The following NEK6 variants were observed in gnomAD, a reference collection of about 807,000 sequenced individuals.
NEK6 encodes serine/threonine-protein kinase Nek6.
In NEK6, 27 loss-of-function variants were observed where a neutral mutation model predicts 43.5. That is an observed-to-expected ratio of 0.62 (90% CI 0.46 to 0.86). The LOEUF is 0.86. Ranked by LOEUF, NEK6 falls within the 40% of genes least tolerant of loss-of-function variation. NEK6 has a pLI of 0.00. For missense variants in NEK6, 318 were observed against 414.4 expected (o/e 0.77, Z 2.02); for synonymous variants, 167 against 164.1 (o/e 1.02, Z -0.14).
chr9:124,301,174 A>G (rs952138296), intron 1 of NEK6, among the ~76,000 whole-genome samples: 4 of 152,170 alleles, frequency 2.6e-5, no homozygotes, highest in African/African-American at 9.7e-5. Context: ...CCCCAGAAGC[A>G]CTTGTCTGAT....
chr9:124,340,616 AC>A (rs1564660336), intron 8 of NEK6, among the ~76,000 whole-genome samples: 1 of 152,260 alleles, frequency 6.6e-6, no homozygotes, highest in Admixed American at 6.5e-5. Context: ...GCTTGGTTTT[AC>A]AGTTGGAACC....
In NEK6 at chr9:124,257,975, C is replaced by T. The variant is rs1469586160; in HGVS notation, c.-140C>T. 1.6e-5 allele frequency: 16 copies of T among 978,608 alleles called. No homozygotes were observed. Among genetic ancestry groups the T allele is most frequent in the Non-Finnish European group, 1.9e-5 (16 of 827,456 alleles). The allele number at this position is 978,608 out of a possible 1,614,324, so 60.6% of individuals were successfully genotyped here. ...CGGTGGCGGCGGCGGCGGAACCGAG[C>T]TGACGGGCGTGCGGCCGCTGCGCCG... On this transcript the variant is annotated 5_prime_UTR_variant, in exon 1 of 10. Transcript: ENST00000320246.
chr9:124,338,621 C>T (rs140933455), intron 7 of NEK6, among the ~76,000 whole-genome samples: 12 of 152,292 alleles, frequency 7.9e-5, no homozygotes, highest in East Asian at 3.9e-4. Flanking sequence ...TAAGAGATTT[C>T]GGCCAACCCG....
chr9:124,289,654 C>T (rs769804766), intron 1 of NEK6, among the ~76,000 whole-genome samples: 3 of 152,172 alleles, frequency 2.0e-5, no homozygotes, highest in Non-Finnish European at 4.4e-5. Flanking sequence ...CAATTCCAGA[C>T]CGAAAAGATC....
intron 7 of NEK6, among the ~76,000 whole-genome samples, chr9:124,338,190 A>G (rs925025382): frequency 2.0e-5 from 3 of 152,200 alleles, no homozygotes; most frequent in African/African-American, 4.8e-5. Flanking sequence ...CATGTTGGCC[A>G]TGCTGGTCTC....
intron 1 of NEK6, among the ~76,000 whole-genome samples, chr9:124,281,468 T>G (rs1421730227): frequency 2.0e-5 from 3 of 150,210 alleles, no homozygotes; most frequent in African/African-American, 4.9e-5. Flanking sequence ...ATAGCTACTT[T>G]CCATGTCAGC....
chr9:124,279,802 C>T (rs1040065336), intron 1 of NEK6, among the ~76,000 whole-genome samples: 6 of 152,234 alleles, frequency 3.9e-5, no homozygotes, highest in African/African-American at 1.4e-4. Context: ...AGGCACGTAT[C>T]GCTGTCTGAA....
chr9:124,314,498 G>GT (rs112945731), intron 4 of NEK6, among the ~76,000 whole-genome samples: 6,710 of 146,786 alleles, frequency 0.046, 215 homozygotes, highest in African/African-American at 0.094. Context: ...GTGGTGGTGG[G>GT]TTTTTTTTTT....
chr9:124,293,011 G>A lies in NEK6; in HGVS notation c.-29-8925G>A, dbSNP rs753103515. On this transcript the variant is annotated intron_variant, in intron 1 of 9. Transcript: ENST00000320246. ...GAGGAGCAGAGCCTGCCAAGGCCTC[G>A]AGGTGAGAGCAAGATCATTTCCCAG... 6 of 1,556,458 alleles carry A rather than the reference G, an allele frequency of 3.9e-6. No individual in the cohort carries two copies. Among genetic ancestry groups the A allele is most frequent in the East Asian group, 4.8e-5 (2 of 41,738 alleles).
chr9:124,342,434 G>T (rs1301994955), intron 8 of NEK6, among the ~76,000 whole-genome samples: 2 of 152,256 alleles, frequency 1.3e-5, no homozygotes, highest in Non-Finnish European at 2.9e-5. Flanking sequence ...AGGCAAGTCA[G>T]CCCCTCCCGG....
intron 1 of NEK6, among the ~76,000 whole-genome samples, chr9:124,282,894 A>C (rs1831984398): frequency 6.6e-6 from 1 of 151,988 alleles, no homozygotes; most frequent in Admixed American, 6.6e-5. Flanking sequence ...TGGGTTAGAG[A>C]GCGGCCCCTC....
At chr9:124,339,709 A>G in intron 8 of NEK6, 44 bp downstream of exon 8, 1 of 1,420,276 alleles carries the variant, frequency 7.0e-7, no homozygotes. Flanking sequence ...TGGGACATGC[A>G]TGGGGGGTGC....
At chr9:124,307,607 A>G (rs891784358) in intron 2 of NEK6, among the ~76,000 whole-genome samples, 1 of 152,196 alleles carries the variant, frequency 6.6e-6, no homozygotes, top group African/African-American at 2.4e-5. Context: ...CCCCTCGATC[A>G]GTCTCCTCTG....
chr9:124,327,944 G>A (rs1179011291), intron 7 of NEK6, among the ~76,000 whole-genome samples: 1 of 152,200 alleles, frequency 6.6e-6, no homozygotes, highest in South Asian at 2.1e-4. Flanking sequence ...GAAGGGGAGG[G>A]AGCAGCGTTC....
intron 1 of NEK6, chr9:124,258,403 A>G: frequency 4.2e-6 from 4 of 945,148 alleles, no homozygotes; most frequent in Non-Finnish European, 5.0e-6. Context: ...CCCGCTACCC[A>G]CTTCCCGAGT....
intron 7 of NEK6, among the ~76,000 whole-genome samples, chr9:124,338,437 C>G (rs1366833791): frequency 3.3e-5 from 5 of 152,240 alleles, no homozygotes; most frequent in African/African-American, 1.2e-4. Context: ...TACTGATTTG[C>G]AGAAGCTTTG....
chr9:124,334,623 A>G (rs1829194434), intron 7 of NEK6, among the ~76,000 whole-genome samples: 1 of 152,192 alleles, frequency 6.6e-6, no homozygotes, highest in African/African-American at 2.4e-5. Context: ...AAAGGGACAA[A>G]CCTAACGTTT....
intron 1 of NEK6, among the ~76,000 whole-genome samples, chr9:124,290,197 C>T (rs1832351249): frequency 6.6e-6 from 1 of 152,254 alleles, no homozygotes; most frequent in Non-Finnish European, 1.5e-5. Flanking sequence ...CACGGTGACT[C>T]TCAGGAGGCC....
At chr9:124,312,874 C>A (rs1334194887) in intron 3 of NEK6, among the ~76,000 whole-genome samples, 1 of 152,210 alleles carries the variant, frequency 6.6e-6, no homozygotes, top group African/African-American at 2.4e-5. Flanking sequence ...CTGCTGTGTA[C>A]TGGGTCATGC....
Sources: gnomAD v4.1 joint callset for allele counts (sites outside exome capture counted in the v4.1 genomes callset) on GRCh38, gnomAD v4.1.1 for gene constraint, MANE v1.5 for transcripts, NCBI Gene and HGNC (gene_info 2026-07-23, HGNC 2026-07-21) for gene names.